Variants in ADAMTS12 observed in about 807,000 individuals in gnomAD.
ADAMTS12 encodes ADAM metallopeptidase with thrombospondin type 1 motif 12, also known as A disintegrin and metalloproteinase with thrombospondin motifs 12.
A neutral mutation model predicts 167.8 loss-of-function variants in ADAMTS12; 118 were observed. The observed-to-expected ratio is 0.70, with a 90% CI of 0.61 to 0.82. The LOEUF is 0.82. Ranked by LOEUF, ADAMTS12 falls within the 40% of genes least tolerant of loss-of-function variation. The probability of loss-of-function intolerance (pLI) is 0.00; values close to 1 mark genes in which losing one functional copy is unlikely to be tolerated. For synonymous variants in ADAMTS12, 704 were observed against 716.9 expected (o/e 0.98, Z 0.29); for missense variants, 1,916 against 1,998.8 (o/e 0.96, Z 0.79).
At chr5:33,610,398 T>C (rs1738674630) in intron 16 of ADAMTS12, among the ~76,000 whole-genome samples, 1 of 152,148 alleles carries the variant, frequency 6.6e-6, no homozygotes, top group African/African-American at 2.4e-5. Flanking sequence ...TTCACAAACA[T>C]AGAATGTCAT....
intron 3 of ADAMTS12, among the ~76,000 whole-genome samples, chr5:33,685,313 C>T (rs1440820105): frequency 6.6e-6 from 1 of 152,214 alleles, no homozygotes; most frequent in Admixed American, 6.5e-5. Flanking sequence ...TTCTCGACTG[C>T]ATTGAGCTGA....
chr5:33,774,634 G>A (rs1745852227), intron 2 of ADAMTS12, among the ~76,000 whole-genome samples: 1 of 146,522 alleles, frequency 6.8e-6, no homozygotes, highest in Non-Finnish European at 1.5e-5. Context: ...TTGAAAAGTT[G>A]AAAATTATTT....
rs918952388 is a variant in ADAMTS12, at chr5:33,527,158, A to T, written c.*30T>A. On this transcript the variant is annotated 3_prime_UTR_variant, in exon 24 of 24. Coordinates refer to ENST00000504830, the MANE Select transcript of ADAMTS12 (RefSeq NM_030955.4). ...CATGTCATGGTCAGCAGGCTGCTGC[A>T]GTCTGGTGGAAGCTGGCTTCCTTTT... 1 of 1,612,618 alleles carries T rather than the reference A, an allele frequency of 6.2e-7. No individual in the cohort carries two copies. The highest frequency in any genetic ancestry group is 8.5e-7 in the Non-Finnish European group (1 of 1,178,914).
At chr5:33,867,779 C>T (rs548716802) in intron 2 of ADAMTS12, among the ~76,000 whole-genome samples, 3 of 152,192 alleles carry the variant, frequency 2.0e-5, no homozygotes, top group Admixed American at 6.5e-5. Context: ...TTTTTATCTG[C>T]TTGTTTTATC....
chr5:33,697,702 C>T (rs1204404072), intron 3 of ADAMTS12, among the ~76,000 whole-genome samples: 1 of 152,218 alleles, frequency 6.6e-6, no homozygotes, highest in Admixed American at 6.5e-5. Flanking sequence ...ACAGACACCC[C>T]TTCCCCTTTC....
At chr5:33,703,363 T>A (rs1743069275) in intron 3 of ADAMTS12, among the ~76,000 whole-genome samples, 1 of 152,156 alleles carries the variant, frequency 6.6e-6, no homozygotes, top group African/African-American at 2.4e-5. Flanking sequence ...CATAAACTCA[T>A]CCATAACATC....
chr5:33,878,415 C>T (rs376510904), intron 2 of ADAMTS12, among the ~76,000 whole-genome samples: 2 of 152,278 alleles, frequency 1.3e-5, no homozygotes, highest in Non-Finnish European at 2.9e-5. Context: ...TTAACTAACA[C>T]TTTGTGCTTC....
At chr5:33,566,306 T>C (rs907987662) in intron 19 of ADAMTS12, among the ~76,000 whole-genome samples, 1 of 152,038 alleles carries the variant, frequency 6.6e-6, no homozygotes, top group African/African-American at 2.4e-5. Context: ...CTGCAAAAAA[T>C]AATAAAAAAA....
At chr5:33,676,879 A>G (rs1741933706) in intron 5 of ADAMTS12, among the ~76,000 whole-genome samples, 2 of 152,158 alleles carry the variant, frequency 1.3e-5, no homozygotes, top group African/African-American at 4.8e-5. Flanking sequence ...AAAAAAGAGT[A>G]GACTCAACAC....
intron 19 of ADAMTS12, among the ~76,000 whole-genome samples, chr5:33,569,792 T>C (rs1005794676): frequency 2.0e-5 from 3 of 152,152 alleles, no homozygotes; most frequent in African/African-American, 7.2e-5. Flanking sequence ...ACGATCAAAC[T>C]ACTCTGAGCT....
chr5:33,558,227 C>T lies in ADAMTS12; in HGVS notation c.4125+2800G>A, dbSNP rs574307485. Among the ~76,000 whole-genome samples the T allele has an allele frequency of 1.3e-3, 205 of 152,134 alleles. 1 individual carries two copies. The highest frequency in any genetic ancestry group is 3.4e-3 in the Middle Eastern group (1 of 294). On this transcript the variant is annotated intron_variant, in intron 20 of 23. Transcript: ENST00000504830. ...CTAGTGACAAAAAGGTTAGGGACTGCTGATGTATGCAATACCCATAATAGT... is the reference window on the plus strand; with the variant it reads ...CTAGTGACAAAAAGGTTAGGGACTGTTGATGTATGCAATACCCATAATAGT...
At chr5:33,709,627 T>A (rs1743323064) in intron 3 of ADAMTS12, among the ~76,000 whole-genome samples, 1 of 152,072 alleles carries the variant, frequency 6.6e-6, no homozygotes, top group African/African-American at 2.4e-5. Flanking sequence ...ACACTGCATG[T>A]TCTCACTTAT....
intron 2 of ADAMTS12, among the ~76,000 whole-genome samples, chr5:33,780,513 C>A (rs190210539): frequency 6.6e-6 from 1 of 152,036 alleles, no homozygotes; most frequent in South Asian, 2.1e-4. Context: ...CTCCTTAAGG[C>A]GAGGTGGTTA....
chr5:33,881,248 C>G lies in ADAMTS12; in HGVS notation c.360G>C (p.Glu120Asp), dbSNP rs1750429705. Residue 120 changes from glutamate (E) to aspartate (D), a missense_variant, in exon 2 of 24, where the codon GAG becomes GAC. By Grantham distance (45) the Glu-to-Asp change is conservative (BLOSUM62 2). Coordinates refer to ENST00000504830, the MANE Select transcript of ADAMTS12 (RefSeq NM_030955.4). ...CATGGGAGAGGTTCCCATATCTCTT[C>G]TCCATGATGTAGCTATTGGAAAGAA... ...QGFLSNSYIM[E>D]KRYGNLSHVK... 6.2e-7 allele frequency: 1 copy of G among 1,614,212 alleles called. No individual in the cohort carries two copies. Among genetic ancestry groups the G allele is most frequent in the African/African-American group, 1.3e-5 (1 of 75,062 alleles).
At chr5:33,883,122 A>T (rs2111783225) in intron 1 of ADAMTS12, among the ~76,000 whole-genome samples, 1 of 152,006 alleles carries the variant, frequency 6.6e-6, no homozygotes, top group South Asian at 2.1e-4. Context: ...TACTTTCTGT[A>T]CCTCCTAGAA....
intron 22 of ADAMTS12, among the ~76,000 whole-genome samples, chr5:33,537,943 G>A (rs1321367917): frequency 1.3e-5 from 2 of 152,150 alleles, no homozygotes; most frequent in African/African-American, 4.8e-5. Flanking sequence ...TTATAAAAAT[G>A]TTAGTAGTTG....
intron 1 of ADAMTS12, chr5:33,888,304 T>G (rs1354498216): frequency 6.6e-6 from 1 of 152,244 alleles, no homozygotes; most frequent in East Asian, 1.9e-4. Flanking sequence ...AACTGTAACC[T>G]TGCAACGCTA....
At chr5:33,828,508 T>C (rs532390759) in intron 2 of ADAMTS12, among the ~76,000 whole-genome samples, 5 of 152,316 alleles carry the variant, frequency 3.3e-5, no homozygotes, top group East Asian at 1.9e-4. Flanking sequence ...TGTTTTGCTA[T>C]ATAATCTGTG....
At chr5:33,889,854 A>C (rs1750780848) in intron 1 of ADAMTS12, among the ~76,000 whole-genome samples, 1 of 152,180 alleles carries the variant, frequency 6.6e-6, no homozygotes, top group Non-Finnish European at 1.5e-5. Flanking sequence ...TGGTTGGCTG[A>C]GGCAGGAGAA....
Sources: allele counts gnomAD v4.1 joint callset (sites outside exome capture counted in the v4.1 genomes callset), GRCh38; gene constraint gnomAD v4.1.1; transcripts MANE v1.5; gene names NCBI Gene and HGNC (gene_info 2026-07-23, HGNC 2026-07-21).